LRTM3: variants seen among roughly 807,000 people sequenced by gnomAD.
The protein encoded by LRTM3 is leucine-rich repeat transmembrane protein 3.
the LRTM3 span, chr13:102,739,145 T>C: frequency 6.5e-7 from 1 of 1,550,202 alleles, no homozygotes. Flanking sequence ...GAGTTTATTC[T>C]GAACTACATT....
the LRTM3 span, among the ~76,000 whole-genome samples, chr13:102,757,421 G>C: frequency 0.31 from 46,397 of 152,044 alleles, 7,298 homozygotes; most frequent in South Asian, 0.37. Context: ...GTAACCACCA[G>C]TAGTGGTTAT....
the LRTM3 span, among the ~76,000 whole-genome samples, chr13:102,758,108 A>T: frequency 1.3e-5 from 2 of 152,220 alleles, no homozygotes; most frequent in East Asian, 3.8e-4. Context: ...CAGTTGAAAT[A>T]TAAGAACTGG....
the LRTM3 span, chr13:102,729,705 G>A: frequency 6.4e-7 from 1 of 1,551,972 alleles, no homozygotes; most frequent in East Asian, 2.4e-5. Flanking sequence ...TCATGATGAG[G>A]TTTTGATGCT....
At chr13:102,742,583 T>A in the LRTM3 span, 2 of 1,550,590 alleles carry the variant, frequency 1.3e-6, no homozygotes, top group Non-Finnish European at 1.7e-6. Flanking sequence ...ATCTATTAAA[T>A]CAACTTCTGC....
the LRTM3 span, chr13:102,758,529 T>C: frequency 1.9e-6 from 3 of 1,541,926 alleles, no homozygotes. Flanking sequence ...AATGTGAAAT[T>C]GTATAATACT....
the LRTM3 span, chr13:102,729,596 C>T: frequency 6.5e-7 from 1 of 1,536,858 alleles, no homozygotes; most frequent in Non-Finnish European, 8.8e-7. Flanking sequence ...GGGAATAGTC[C>T]AGCGAATGGT....
At chr13:102,735,665 C>T in the LRTM3 span, 16 of 1,551,258 alleles carry the variant, frequency 1.0e-5, no homozygotes, top group East Asian at 3.7e-4. Context: ...TTTCTCTTCT[C>T]CCTGTGCTGT....
chr13:102,735,505 A>T, the LRTM3 span: 1 of 1,551,150 alleles, frequency 6.4e-7, no homozygotes, highest in Non-Finnish European at 8.7e-7. Flanking sequence ...TAACTTGTTT[A>T]TTTTTATCTT....
At chr13:102,749,731 T>C in the LRTM3 span, 1 of 1,551,426 alleles carries the variant, frequency 6.4e-7, no homozygotes, top group Non-Finnish European at 8.7e-7. Flanking sequence ...GGTTATGATT[T>C]ATATATTGGG....
the LRTM3 span, among the ~76,000 whole-genome samples, chr13:102,757,835 C>T: frequency 1.3e-5 from 2 of 152,192 alleles, no homozygotes; most frequent in Admixed American, 6.5e-5. Flanking sequence ...TTCTTGAGAA[C>T]AGAGACTATA....
chr13:102,744,296 G>A, the LRTM3 span: 1 of 1,550,304 alleles, frequency 6.5e-7, no homozygotes. Context: ...ATATTCAGAT[G>A]ACATGAGGCT....
At chr13:102,747,756 G>A in the LRTM3 span, 1 of 1,551,098 alleles carries the variant, frequency 6.4e-7, no homozygotes, top group Non-Finnish European at 8.7e-7. Context: ...TTCTCAACTT[G>A]AAATGGATCC....
chr13:102,734,260 C>A, the LRTM3 span: 1 of 1,551,400 alleles, frequency 6.4e-7, no homozygotes, highest in Non-Finnish European at 8.7e-7. Flanking sequence ...CATCACCACT[C>A]CTTGCCTCTG....
chr13:102,740,895 C>A, the LRTM3 span: 1 of 1,549,806 alleles, frequency 6.5e-7, no homozygotes, highest in Non-Finnish European at 8.7e-7. Flanking sequence ...GAAACAGATG[C>A]TGGAAAAGCC....
the LRTM3 span, chr13:102,743,021 CTT>C: frequency 6.5e-7 from 1 of 1,547,808 alleles, no homozygotes; most frequent in South Asian, 1.2e-5. Context: ...GTAAATCTGA[CTT>C]TTTGAGAAAA....
the LRTM3 span, among the ~76,000 whole-genome samples, chr13:102,755,364 C>G: frequency 6.6e-5 from 10 of 152,074 alleles, no homozygotes; most frequent in Admixed American, 5.9e-4. Context: ...AAGATGCTGT[C>G]CCACTATTTC....
chr13:102,736,771 C>A, the LRTM3 span: 2 of 1,550,838 alleles, frequency 1.3e-6, no homozygotes, highest in African/African-American at 2.7e-5. Flanking sequence ...TTACACTTTT[C>A]TCTGAAATAT....
chr13:102,743,079 C>A, the LRTM3 span: 1 of 1,550,348 alleles, frequency 6.5e-7, no homozygotes, highest in Admixed American at 2.0e-5. Flanking sequence ...AGATGACGAT[C>A]CTTTCTAAGA....
chr13:102,737,982 C>A, the LRTM3 span: 2 of 1,550,998 alleles, frequency 1.3e-6, no homozygotes, highest in Admixed American at 3.9e-5. Flanking sequence ...TCTTCAACTT[C>A]GTGATCCATT....
Sources: gnomAD v4.1 joint callset for allele counts (sites outside exome capture counted in the v4.1 genomes callset) on GRCh38, gnomAD v4.1.1 for gene constraint, MANE v1.5 for transcripts, NCBI Gene and HGNC (gene_info 2026-07-23, HGNC 2026-07-21) for gene names.